The following ASB3 variants were observed in gnomAD, a reference collection of about 807,000 sequenced individuals.
ASB3 encodes ankyrin repeat and SOCS box protein 3.
A neutral mutation model predicts 54.5 loss-of-function variants in ASB3; 41 were observed. That is an observed-to-expected ratio of 0.75 (90% CI 0.59 to 0.98). ASB3 has a LOEUF of 0.98. Ranked by LOEUF, ASB3 falls within the 50% of genes least tolerant of loss-of-function variation. The pLI, the probability that ASB3 is intolerant of heterozygous loss-of-function variation, is 0.00. For missense variants in ASB3, 733 were observed against 620.0 expected (o/e 1.18, Z -1.94); for synonymous variants, 266 against 221.2 (o/e 1.20, Z -1.80).
At position 53,762,030 on chromosome 2, in the gene ASB3, G is replaced by T. The variant is rs144955885; in HGVS notation, c.196+3347C>A. Among the ~76,000 whole-genome samples, 270 of 152,288 alleles carry T rather than the reference G, an allele frequency of 1.8e-3. 6 individuals are homozygous for T. In the East Asian group the frequency reaches 0.047, roughly 27 times the overall value. On this transcript the variant is annotated intron_variant, in intron 2 of 9. Transcript: ENST00000263634. The stretch of plus-strand genomic sequence containing the variant: ...GAGCAGAAGAGTGACTTGGTCTGTT[G>T]CATTTTAAAATGATCCCTCTAATAT...
intron 9 of ASB3, among the ~76,000 whole-genome samples, chr2:53,692,090 G>A (rs1668948758): frequency 6.6e-6 from 1 of 152,126 alleles, no homozygotes; most frequent in East Asian, 1.9e-4. Context: ...CCCCTTAGAT[G>A]GCAATAGCAT....
At chr2:53,748,371 T>C (rs552708642) in intron 3 of ASB3, 9 of 152,298 alleles carry the variant, frequency 5.9e-5, no homozygotes, top group African/African-American at 2.2e-4. Flanking sequence ...GCTTCCTCTG[T>C]AGTTGTACAG....
Position 53,687,570 on chromosome 2 carries a change from C to T in ASB3, c.1369+6314G>A, listed in dbSNP as rs541150979. 5.3e-4 allele frequency among the ~76,000 whole-genome samples: 81 copies of T among 152,268 alleles called. 1 individual carries two copies. In the South Asian group the frequency reaches 0.011, roughly 21 times the overall value. The stretch of plus-strand genomic sequence containing the variant: ...GCTCTGATTCTCACTAAATATTTAG[C>T]TTTATTAACTCTATGATCATGGCCC... On this transcript the variant is annotated intron_variant, in intron 9 of 9. Transcript: ENST00000263634.
At chr2:53,781,398 T>A (rs1188181353) in intron 1 of ASB3, among the ~76,000 whole-genome samples, 5 of 146,344 alleles carry the variant, frequency 3.4e-5, no homozygotes, top group Non-Finnish European at 7.5e-5. Flanking sequence ...GGCAACAAAG[T>A]GAGACTCTGT....
intron 8 of ASB3, among the ~76,000 whole-genome samples, chr2:53,695,572 T>A (rs1168853344): frequency 6.6e-6 from 1 of 152,130 alleles, no homozygotes; most frequent in Non-Finnish European, 1.5e-5. Context: ...TTTATGCAGT[T>A]ATCTGAACAT....
intron 8 of ASB3, among the ~76,000 whole-genome samples, chr2:53,699,956 A>C (rs945733051): frequency 1.3e-5 from 2 of 152,208 alleles, no homozygotes; most frequent in Admixed American, 6.5e-5. Flanking sequence ...AGCAGCTCCA[A>C]GCATTCTTTC....
intron 7 of ASB3, among the ~76,000 whole-genome samples, chr2:53,713,690 A>G (rs985849698): frequency 1.3e-5 from 2 of 152,280 alleles, no homozygotes; most frequent in African/African-American, 4.8e-5. Context: ...AGGCAAGGGA[A>G]CTGCTTGAGC....
chr2:53,703,577 C>A (rs1043034771), intron 7 of ASB3, among the ~76,000 whole-genome samples: 6 of 152,124 alleles, frequency 3.9e-5, no homozygotes, highest in Non-Finnish European at 8.8e-5. Context: ...CCAGCCTGGG[C>A]AACAGAGTGA....
At chr2:53,721,742 G>C (rs1024832089) in intron 5 of ASB3, among the ~76,000 whole-genome samples, 2 of 151,974 alleles carry the variant, frequency 1.3e-5, no homozygotes, top group African/African-American at 2.4e-5. Flanking sequence ...AGCTCAGAAA[G>C]AAAGATCTCA....
chr2:53,674,802 G>C (rs976416966), intron 9 of ASB3, among the ~76,000 whole-genome samples: 1 of 151,796 alleles, frequency 6.6e-6, no homozygotes, highest in African/African-American at 2.4e-5. Context: ...TACTTGTGTT[G>C]TCTCTCTCAT....
intron 1 of ASB3, among the ~76,000 whole-genome samples, chr2:53,783,048 C>G (rs1190548680): frequency 2.6e-5 from 4 of 152,012 alleles, no homozygotes; most frequent in Non-Finnish European, 5.9e-5. Flanking sequence ...GCTGGAATTA[C>G]CGGTGTGAGC....
chr2:53,733,579 C>T (rs1024960643), intron 3 of ASB3, among the ~76,000 whole-genome samples: 9 of 152,054 alleles, frequency 5.9e-5, no homozygotes, highest in Admixed American at 2.0e-4. Context: ...GTAGCTGGGA[C>T]TACCAGCATG....
intron 7 of ASB3, among the ~76,000 whole-genome samples, chr2:53,711,456 C>G (rs1670091704): frequency 6.6e-6 from 1 of 152,132 alleles, no homozygotes; most frequent in African/African-American, 2.4e-5. Context: ...CTACTCAGCT[C>G]CAGATCAGGG....
At chr2:53,697,812 G>A (rs1053093459) in intron 8 of ASB3, among the ~76,000 whole-genome samples, 4 of 152,154 alleles carry the variant, frequency 2.6e-5, no homozygotes, top group African/African-American at 9.7e-5. Flanking sequence ...GATGGAGGCT[G>A]AGCCTCCACT....
Position 53,714,557 on chromosome 2 carries a change from A to T in ASB3, c.807T>A (p.Leu269=). ...HTKILDLLIP[L]TNRACDTGLN... ...GCCCAGTGTCACAGGCCCGGTTAGT[A>T]AGTGGTATTAACAAGTCCAAGATTC... is the stretch of plus-strand genomic sequence containing the variant. Residue 269 remains leucine (L), a synonymous_variant, in exon 7 of 10, where the codon CTT becomes CTA. Coordinates refer to ENST00000263634, the MANE Select transcript of ASB3 (RefSeq NM_016115.5). 6.2e-7 allele frequency: 1 copy of T among 1,614,196 alleles called. No homozygotes were observed. Among genetic ancestry groups the T allele is most frequent in the Non-Finnish European group, 8.5e-7 (1 of 1,180,014 alleles).
intron 7 of ASB3, among the ~76,000 whole-genome samples, chr2:53,707,272 C>A (rs766323822): frequency 2.6e-5 from 4 of 152,204 alleles, no homozygotes; most frequent in Admixed American, 6.5e-5. Context: ...ATTTGGGCAG[C>A]ACAGCTCTAG....
intron 9 of ASB3, among the ~76,000 whole-genome samples, chr2:53,681,330 T>G (rs1291502747): frequency 4.6e-5 from 7 of 152,232 alleles, no homozygotes; most frequent in Non-Finnish European, 7.3e-5. Flanking sequence ...TCTCTTCTCT[T>G]TGTTGACCGT....
chr2:53,778,869 A>G (rs1229509169), intron 1 of ASB3, among the ~76,000 whole-genome samples: 1 of 152,170 alleles, frequency 6.6e-6, no homozygotes, highest in Non-Finnish European at 1.5e-5. Flanking sequence ...TATCTCTTCA[A>G]CATACTGATT....
At chr2:53,691,809 C>A (rs890228723) in intron 9 of ASB3, among the ~76,000 whole-genome samples, 1 of 152,182 alleles carries the variant, frequency 6.6e-6, no homozygotes, top group African/African-American at 2.4e-5. Context: ...AAAATTCCAG[C>A]ATTGTAATGG....
Sources: gnomAD v4.1 joint callset for allele counts (sites outside exome capture counted in the v4.1 genomes callset) on GRCh38, gnomAD v4.1.1 for gene constraint, MANE v1.5 for transcripts, NCBI Gene and HGNC (gene_info 2026-07-23, HGNC 2026-07-21) for gene names.